Variants in HSPA14 observed in about 807,000 individuals in gnomAD.
HSPA14 encodes the protein heat shock protein family A (Hsp70) member 14.
HSPA14 carries 37 observed loss-of-function variants against 65.5 expected under a neutral mutation model. The ratio of observed to expected loss-of-function variants is 0.56; its 90% CI spans 0.43 to 0.74. The LOEUF (loss-of-function observed/expected upper bound fraction) is 0.74. Among genes scored for constraint, HSPA14 ranks in the 30% least tolerant of loss-of-function variants. The pLI is 0.00. For synonymous variants in HSPA14, 203 were observed against 214.2 expected (o/e 0.95, Z 0.46); for missense variants, 564 against 607.6 (o/e 0.93, Z 0.75).
At chr10:14,868,783 T>A (rs1277446286) in intron 12 of HSPA14, among the ~76,000 whole-genome samples, 1 of 152,268 alleles carries the variant, frequency 6.6e-6, no homozygotes, top group Non-Finnish European at 1.5e-5. Flanking sequence ...GCACAGGACA[T>A]GAGCATGAAT....
chr10:14,854,395 T>G, intron 9 of HSPA14, 115 bp downstream of exon 9: 1 of 809,450 alleles, frequency 1.2e-6, no homozygotes, highest in African/African-American at 1.7e-5. Context: ...CAACCATCTA[T>G]AATGTCTTCA....
chr10:14,853,060 G>A (rs1834120520), intron 8 of HSPA14, among the ~76,000 whole-genome samples: 1 of 151,506 alleles, frequency 6.6e-6, no homozygotes, highest in African/African-American at 2.4e-5. Flanking sequence ...ATATGTAAAG[G>A]TTATACTTTG....
rs547384936 is a variant in HSPA14, at chr10:14,843,375, C to T, written c.221+3218C>T. The T allele has an allele frequency of 5.8e-6, 9 of 1,550,806 alleles. No individual in the cohort carries two copies. The Admixed American group carries it at 1.6e-4, about 27-fold the overall frequency. ...CATTGTTGCTTTGTTTTTCAGGGTG[C>T]TCTCAAGGGACCCCCAGCTACAGCA... On this transcript the variant is annotated intron_variant, in intron 3 of 13. Transcript: ENST00000378372.
intron 11 of HSPA14, 90 bp downstream of exon 11, chr10:14,867,385 T>A: frequency 2.3e-6 from 2 of 871,952 alleles, no homozygotes; most frequent in Non-Finnish European, 3.6e-6. Flanking sequence ...TAAGTTTTTA[T>A]ACATACCATG....
In HSPA14 at chr10:14,839,946, A is replaced by G. The variant is rs903897279; in HGVS notation, c.99A>G (p.Arg33=). 3 of 1,612,898 alleles carry G rather than the reference A, an allele frequency of 1.9e-6. No homozygotes were observed. Among genetic ancestry groups the G allele is most frequent in the East Asian group, 2.2e-5 (1 of 44,824 alleles). The change falls in exon 2 of 14, where the codon CGA becomes CGG. Residue 33 remains arginine (R), a synonymous_variant. Coordinates refer to ENST00000378372, the MANE Select transcript of HSPA14 (RefSeq NM_016299.4). ...TGGTTGCAAATGATGCCGGTGACCG[A>G]GTTACTCCAGCTGTTGTTGCTTACT... ...AGVVANDAGD[R]VTPAVVAYSE...
intron 3 of HSPA14, among the ~76,000 whole-genome samples, chr10:14,847,437 CAA>C (rs1834069190): frequency 1.3e-5 from 2 of 152,142 alleles, no homozygotes; most frequent in Admixed American, 1.3e-4. Context: ...AAGGAAGAAG[CAA>C]AGAGTTTAAT....
intron 7 of HSPA14, 55 bp downstream of exon 7, chr10:14,851,378 T>G: frequency 1.1e-6 from 1 of 938,198 alleles, no homozygotes; most frequent in Non-Finnish European, 1.8e-6. Context: ...CATTTTAGAT[T>G]ATAGAGATTA....
chr10:14,853,072 G>A (rs1214598830), intron 8 of HSPA14, among the ~76,000 whole-genome samples: 3 of 151,346 alleles, frequency 2.0e-5, no homozygotes, highest in Non-Finnish European at 2.9e-5. Context: ...TATACTTTGG[G>A]TACTGCTGCT....
Position 14,869,098 on chromosome 10 carries a change from G to C in HSPA14, c.1380+1189G>C, listed in dbSNP as rs1832831936. On this transcript the variant is annotated intron_variant, in intron 12 of 13. Transcript: ENST00000378372. ...CATGACCTCATGATCCGCCTGCCTT[G>C]GCCTCCCAAAGCAGTATTGTTTTTT... Among the ~76,000 whole-genome samples, 3 of 152,066 alleles carry C rather than the reference G, an allele frequency of 2.0e-5. 1 individual carries two copies. The South Asian group carries it at 6.2e-4, about 32-fold the overall frequency.
chr10:14,843,611 G>C, intron 3 of HSPA14: 2 of 1,550,600 alleles, frequency 1.3e-6, no homozygotes, highest in Non-Finnish European at 1.7e-6. Context: ...CCTCCAAGGT[G>C]GGCAAGGCGA....
At chr10:14,841,989 A>G (rs529421285) in intron 3 of HSPA14, 18 of 524,126 alleles carry the variant, frequency 3.4e-5, no homozygotes, top group African/African-American at 1.7e-4. Flanking sequence ...TGCCGTGTCT[A>G]CCCTGGGTGA....
chr10:14,848,741 A>G (rs913710404), intron 4 of HSPA14, 49 bp from the exon 5 acceptor site: 1 of 1,451,370 alleles, frequency 6.9e-7, no homozygotes, highest in African/African-American at 1.4e-5. Flanking sequence ...GAAACTTTGC[A>G]TTTTTATTAA....
At chr10:14,848,541 C>T in intron 3 of HSPA14, 68 bp from the exon 4 acceptor site, 1 of 1,160,822 alleles carries the variant, frequency 8.6e-7, no homozygotes, top group Non-Finnish European at 1.3e-6. Flanking sequence ...ATACAGTCTT[C>T]TCTAAACTTT....
chr10:14,844,545 T>C lies in HSPA14; in HGVS notation c.222-4064T>C, dbSNP rs565622986. 4 of 986,726 alleles carry C rather than the reference T, an allele frequency of 4.1e-6. No homozygotes were observed. In the African/African-American group the frequency reaches 7.0e-5, roughly 17 times the overall value. The allele number at this position is 986,726 out of a possible 1,614,324, so 61.1% of individuals were successfully genotyped here. Reference sequence around the variant, plus strand: ...TCTCTTACATTTCCACTGCTGTGTATCTGACATATCTACTAGTAAGCACTG... The same window carrying C: ...TCTCTTACATTTCCACTGCTGTGTACCTGACATATCTACTAGTAAGCACTG... On this transcript the variant is annotated intron_variant, in intron 3 of 13. Coordinates refer to ENST00000378372, the MANE Select transcript of HSPA14 (RefSeq NM_016299.4).
In HSPA14 at chr10:14,851,282, T is replaced by C; in HGVS notation, c.531T>C (p.Leu177=). 6.2e-7 allele frequency: 1 copy of C among 1,612,828 alleles called. No homozygotes were observed. The highest frequency in any genetic ancestry group is 8.5e-7 in the Non-Finnish European group (1 of 1,178,904). ...TAATTCACGAACCGTCTGCAGCTCTTCTTGCTTATGGAATTGGACAAGACT... is the reference window on the plus strand; with the variant it reads ...TAATTCACGAACCGTCTGCAGCTCTCCTTGCTTATGGAATTGGACAAGACT... ...LRLIHEPSAA[L]LAYGIGQDSP... Residue 177 remains leucine, a synonymous_variant, in exon 7 of 14, where the codon CTT becomes CTC. Coordinates refer to ENST00000378372, the MANE Select transcript of HSPA14 (RefSeq NM_016299.4).
intron 3 of HSPA14, chr10:14,844,997 G>A: frequency 1.0e-6 from 1 of 985,400 alleles, no homozygotes; most frequent in African/African-American, 1.7e-5. Context: ...AATGGCATCT[G>A]GTGGAAGAGA....
In HSPA14 at chr10:14,843,600, C is replaced by T. The variant is rs577905969; in HGVS notation, c.221+3443C>T. On this transcript the variant is annotated intron_variant, in intron 3 of 13. Transcript: ENST00000378372. ...GGGATAGGCCCTTGACCAGTGAGCC[C>T]CCTCCAAGGTGGGCAAGGCGAAGAA... is the stretch of plus-strand genomic sequence containing the variant. 1.1e-5 allele frequency: 17 copies of T among 1,550,572 alleles called. No individual in the cohort carries two copies. The African/African-American group carries it at 2.3e-4, about 21-fold the overall frequency.
At chr10:14,847,575 A>G (rs556982713) in intron 3 of HSPA14, among the ~76,000 whole-genome samples, 1 of 152,314 alleles carries the variant, frequency 6.6e-6, no homozygotes, top group East Asian at 1.9e-4. Flanking sequence ...CAGAGAAGGA[A>G]GTATGAGGAA....
chr10:14,840,048 A>G (rs1833952625), intron 2 of HSPA14, 27 bp from the exon 3 acceptor site: 7 of 1,195,328 alleles, frequency 5.9e-6, no homozygotes, highest in Admixed American at 2.6e-5. Flanking sequence ...TGTAATATAT[A>G]TATATATATA....
Sources: allele counts gnomAD v4.1 joint callset (sites outside exome capture counted in the v4.1 genomes callset), GRCh38; gene constraint gnomAD v4.1.1; transcripts MANE v1.5; gene names NCBI Gene and HGNC (gene_info 2026-07-23, HGNC 2026-07-21).